NBEA: variants seen among roughly 807,000 people sequenced by gnomAD.
The protein encoded by NBEA is lysosomal-trafficking regulator 2.
In NBEA, 44 loss-of-function variants were observed where a neutral mutation model predicts 343.4. The ratio of observed to expected loss-of-function variants is 0.13; its 90% CI spans 0.10 to 0.16. The LOEUF (loss-of-function observed/expected upper bound fraction) is 0.16. Ranked by LOEUF, NBEA falls within the 10% of genes least tolerant of loss-of-function variation. The probability of loss-of-function intolerance (pLI) is 1.00; values close to 1 mark genes in which losing one functional copy is unlikely to be tolerated. For missense variants in NBEA, 2,555 were observed against 3,631.3 expected (o/e 0.70, Z 7.62); for synonymous variants, 1,175 against 1,238.7 (o/e 0.95, Z 1.08).
At chr13:35,139,916 C>T (rs574296668) in intron 17 of NBEA, among the ~76,000 whole-genome samples, 4 of 152,150 alleles carry the variant, frequency 2.6e-5, no homozygotes, top group African/African-American at 7.2e-5. Context: ...TCTGTATAAA[C>T]GTTTGCATTG....
In NBEA at chr13:35,222,592, T is replaced by A. The variant is rs543913598; in HGVS notation, c.5649-9900T>A. Among the ~76,000 whole-genome samples the A allele has an allele frequency of 9.1e-4, 139 of 152,260 alleles. 1 individual carries two copies. Among genetic ancestry groups the A allele is most frequent in the African/African-American group, 3.2e-3 (132 of 41,560 alleles). On this transcript the variant is annotated intron_variant, in intron 33 of 58. Coordinates refer to ENST00000379939, the MANE Select transcript of NBEA (RefSeq NM_001385012.1). ...TATTATTTCATTTTCTCTCCAATAT[T>A]GTCTTATTGTAGACAATATTTCAAA...
chr13:35,049,179 T>C (rs1399873514), intron 5 of NBEA, among the ~76,000 whole-genome samples: 1 of 151,920 alleles, frequency 6.6e-6, no homozygotes, highest in Non-Finnish European at 1.5e-5. Context: ...AATGTGTTGA[T>C]CTGTAAGGGT....
At chr13:34,978,378 T>A (rs1566114384) in intron 1 of NBEA, among the ~76,000 whole-genome samples, 2 of 152,202 alleles carry the variant, frequency 1.3e-5, no homozygotes, top group Non-Finnish European at 2.9e-5. Context: ...TTATCACATA[T>A]CTGTATTTTT....
At chr13:35,461,098 G>C (rs950972417) in intron 40 of NBEA, among the ~76,000 whole-genome samples, 1 of 152,146 alleles carries the variant, frequency 6.6e-6, no homozygotes, top group Non-Finnish European at 1.5e-5. Context: ...TAATGACCCA[G>C]TCACCTCTTA....
At chr13:35,185,873 G>A (rs1054195590) in intron 30 of NBEA, 36 of 152,108 alleles carry the variant, frequency 2.4e-4, no homozygotes, top group African/African-American at 8.7e-4. Context: ...GGGGGAAAAT[G>A]TCTGTCAAAT....
rs561538731 is a variant in NBEA at position 35,606,328 on chromosome 13, A to G, written c.7297-98A>G. ...CATAAAATATTGGTTTTAAGAAATT[A>G]TTTTATTCCATTTATAGTTAATAAG... On this transcript the variant is annotated intron_variant, in intron 47 of 58. Coordinates refer to ENST00000379939, the MANE Select transcript of NBEA (RefSeq NM_001385012.1). 3 of 597,962 alleles carry G rather than the reference A, an allele frequency of 5.0e-6. No individual in the cohort carries two copies. The East Asian group carries it at 1.1e-4, about 21-fold the overall frequency. 37.0% of individuals were successfully genotyped at this position (597,962 alleles called of 1,614,324 possible). A position where few individuals can be genotyped will look rare whatever the true frequency, so the allele number is the denominator to read the frequency against.
intron 41 of NBEA, chr13:35,476,538 A>G (rs924487061): frequency 2.1e-5 from 13 of 608,332 alleles, no homozygotes; most frequent in Admixed American, 5.8e-5. Context: ...TCCAGTAGTC[A>G]AAATAAGCAC....
chr13:35,643,332 C>T (rs1324978), intron 49 of NBEA, among the ~76,000 whole-genome samples: 57,820 of 151,884 alleles, frequency 0.38, 11,255 homozygotes, highest in East Asian at 0.56. Flanking sequence ...TGCACTGACA[C>T]ACTCATCGTC....
At chr13:35,349,296 G>A (rs2040049415) in intron 37 of NBEA, 80 bp downstream of exon 37, 1 of 696,242 alleles carries the variant, frequency 1.4e-6, no homozygotes, top group Admixed American at 3.5e-5. Context: ...ACATAAGAAG[G>A]TTTTTTTAAA....
chr13:35,615,116 T>C (rs1173530047), intron 48 of NBEA, among the ~76,000 whole-genome samples: 1 of 120,324 alleles, frequency 8.3e-6, no homozygotes, highest in East Asian at 2.2e-4. Flanking sequence ...AAACCCCATC[T>C]CTACTAAAAA....
chr13:35,220,109 A>G (rs1256747662), intron 33 of NBEA, among the ~76,000 whole-genome samples: 1 of 152,146 alleles, frequency 6.6e-6, no homozygotes, highest in Non-Finnish European at 1.5e-5. Flanking sequence ...TGATTTATCG[A>G]GGTCCTATTC....
intron 44 of NBEA, among the ~76,000 whole-genome samples, chr13:35,564,324 TA>T (rs34695174): frequency 5.2e-4 from 79 of 152,052 alleles, no homozygotes; most frequent in South Asian, 1.9e-3. Flanking sequence ...ATTATTCTAT[TA>T]AAAAAATATA....
At chr13:35,367,371 G>A (rs553444286) in intron 38 of NBEA, among the ~76,000 whole-genome samples, 1 of 151,476 alleles carries the variant, frequency 6.6e-6, no homozygotes, top group Admixed American at 6.6e-5. Context: ...AGGTGGATAT[G>A]TGTCAGTAAA....
chr13:35,075,466 T>C (rs2064071506), intron 10 of NBEA, among the ~76,000 whole-genome samples: 1 of 152,194 alleles, frequency 6.6e-6, no homozygotes, highest in East Asian at 1.9e-4. Flanking sequence ...ATCTTAAGTA[T>C]ATGAATATTT....
At chr13:35,415,055 C>A (rs1355209258) in intron 38 of NBEA, among the ~76,000 whole-genome samples, 1 of 152,026 alleles carries the variant, frequency 6.6e-6, no homozygotes, top group Non-Finnish European at 1.5e-5. Context: ...CTGTTCATAT[C>A]CTTTGCCCAC....
chr13:35,300,203 A>C (rs533804625), intron 35 of NBEA, among the ~76,000 whole-genome samples: 1 of 152,288 alleles, frequency 6.6e-6, no homozygotes, highest in African/African-American at 2.4e-5. Context: ...GCACGCCTGT[A>C]GTCCCAGCCA....
intron 39 of NBEA, among the ~76,000 whole-genome samples, chr13:35,445,420 A>G: frequency 6.6e-6 from 1 of 152,056 alleles, no homozygotes; most frequent in Admixed American, 6.6e-5. Context: ...GTGAAAGAAA[A>G]TGTGGAAAAT....
chr13:35,561,902 T>C (rs2079873401), intron 44 of NBEA, among the ~76,000 whole-genome samples: 1 of 152,140 alleles, frequency 6.6e-6, no homozygotes, highest in Non-Finnish European at 1.5e-5. Flanking sequence ...TCTTAGGCTT[T>C]GTTTTATTCT....
intron 36 of NBEA, 81 bp downstream of exon 36, chr13:35,309,673 C>A: frequency 4.2e-6 from 3 of 706,060 alleles, no homozygotes; most frequent in Non-Finnish European, 4.6e-6. Context: ...ACCATCTGTT[C>A]CAAAAATGTA....
Sources: allele counts gnomAD v4.1 joint callset (sites outside exome capture counted in the v4.1 genomes callset), GRCh38; gene constraint gnomAD v4.1.1; transcripts MANE v1.5; gene names NCBI Gene and HGNC (gene_info 2026-07-23, HGNC 2026-07-21).